Variants in EYA2 observed in about 807,000 individuals in gnomAD.
The protein encoded by EYA2 is EYA transcriptional coactivator and phosphatase 2.
Under a neutral mutation model 69.2 loss-of-function variants are expected in EYA2, and 31 were observed. The observed-to-expected ratio is 0.45, with a 90% CI of 0.34 to 0.60. EYA2 has a LOEUF of 0.60. Ranked by LOEUF, EYA2 falls within the 20% of genes least tolerant of loss-of-function variation. The pLI is 0.02. For missense variants in EYA2, 622 were observed against 701.2 expected, an observed-to-expected ratio of 0.89 and a Z score of 1.28; for synonymous variants, 257 against 279.4, an observed-to-expected ratio of 0.92 and a Z score of 0.80.
intron 5 of EYA2, among the ~76,000 whole-genome samples, chr20:47,018,809 T>G (rs1411959684): frequency 6.6e-6 from 1 of 152,182 alleles, no homozygotes; most frequent in Non-Finnish European, 1.5e-5. Flanking sequence ...AGAGGGCAAG[T>G]GACTTGCCTG....
intron 1 of EYA2, among the ~76,000 whole-genome samples, chr20:46,929,295 G>A (rs754602665): frequency 3.3e-5 from 5 of 152,124 alleles, no homozygotes. Context: ...AAGGAACTGG[G>A]AACTGTTTAT....
intron 1 of EYA2, among the ~76,000 whole-genome samples, chr20:46,959,951 G>A (rs921424123): frequency 3.3e-5 from 5 of 152,276 alleles, no homozygotes; most frequent in Non-Finnish European, 4.4e-5. Context: ...GGAATCTGTC[G>A]CCTGATTTTT....
chr20:47,172,901 G>A, intron 12 of EYA2, 34 bp downstream of exon 12: 1 of 1,580,842 alleles, frequency 6.3e-7, no homozygotes, highest in Non-Finnish European at 8.6e-7. Context: ...TCCGAGGAAG[G>A]GAAACTCATT....
At chr20:46,927,082 C>A (rs1428046488) in intron 1 of EYA2, among the ~76,000 whole-genome samples, 1 of 152,174 alleles carries the variant, frequency 6.6e-6, no homozygotes, top group Non-Finnish European at 1.5e-5. Flanking sequence ...TGATGGGAGC[C>A]CAGAAGTGCT....
At chr20:47,184,393 A>AAGTGGG (rs2034596018) in intron 15 of EYA2, among the ~76,000 whole-genome samples, 1 of 150,150 alleles carries the variant, frequency 6.7e-6, no homozygotes, top group South Asian at 2.1e-4. Flanking sequence ...AACTCCTACA[A>AAGTGGG]AGTGGGTATC....
intron 5 of EYA2, among the ~76,000 whole-genome samples, chr20:47,036,480 C>T (rs1984719023): frequency 6.6e-6 from 1 of 152,158 alleles, no homozygotes; most frequent in Non-Finnish European, 1.5e-5. Flanking sequence ...CCTGCCGTGG[C>T]AGGGCTAGGA....
chr20:46,930,089 C>T (rs574477755), intron 1 of EYA2, among the ~76,000 whole-genome samples: 1 of 152,248 alleles, frequency 6.6e-6, no homozygotes, highest in Non-Finnish European at 1.5e-5. Context: ...AAGAAATGGC[C>T]ATGTCAGCAT....
chr20:47,152,948 G>A (rs1032816701), intron 10 of EYA2, among the ~76,000 whole-genome samples: 2 of 151,282 alleles, frequency 1.3e-5, no homozygotes, highest in African/African-American at 4.9e-5. Flanking sequence ...AAAAAAAAAA[G>A]AAAGAAACTG....
In EYA2 at chr20:47,169,229, G is replaced by A. The variant is rs1311984335; in HGVS notation, c.1037+32G>A. 8 of 1,570,936 alleles carry A rather than the reference G, an allele frequency of 5.1e-6. No homozygotes were observed. In the South Asian group the frequency reaches 6.7e-5, roughly 13 times the overall value. On this transcript the variant is annotated intron_variant, in intron 11 of 15. Transcript: ENST00000327619. The stretch of plus-strand genomic sequence containing the variant: ...ATTTGGGGAGTCAAAAATGCCCATT[G>A]ATTGATTGATTGATTATCAAGTTAT...
At chr20:47,083,658 G>A (rs1435802992) in intron 7 of EYA2, among the ~76,000 whole-genome samples, 1 of 150,264 alleles carries the variant, frequency 6.7e-6, no homozygotes, top group African/African-American at 2.4e-5. Context: ...ATGCAAAATA[G>A]ATCATAGACT....
rs1464654128 is a variant in EYA2 at position 47,183,272 on chromosome 20, C to A, written c.1436-19C>A. On this transcript the variant is annotated intron_variant, in intron 14 of 15. Transcript: ENST00000327619. ...GGTCCTCACAGAGCGTTTTTTCTTT[C>A]CTTCCTGTGTGCGTGCAGGGAAGGA... 6.2e-7 allele frequency: 1 copy of A among 1,608,858 alleles called. No homozygotes were observed.
Position 47,097,184 on chromosome 20 carries a change from GTCTC to G in EYA2, c.888+26_888+29del, listed in dbSNP as rs763421253. The G allele has an allele frequency of 6.3e-6, 10 of 1,576,240 alleles. No homozygotes were observed. The highest frequency in any genetic ancestry group is 4.5e-5 in the East Asian group (2 of 44,006). ...ATACGGGAAGGTAAGAATCCATTTT[GTCTC>G]TCTCTCTCTTTTTTTGTTTTCAACG... On this transcript the variant is annotated intron_variant, in intron 9 of 15. Coordinates refer to ENST00000327619, the MANE Select transcript of EYA2 (RefSeq NM_005244.5).
intron 5 of EYA2, among the ~76,000 whole-genome samples, chr20:47,047,467 A>G (rs990790200): frequency 2.0e-5 from 3 of 151,370 alleles, no homozygotes; most frequent in African/African-American, 7.3e-5. Context: ...GCTCACTGCA[A>G]CCTCCGCCTC....
chr20:47,153,090 C>T (rs2033855771), intron 10 of EYA2, among the ~76,000 whole-genome samples: 1 of 151,964 alleles, frequency 6.6e-6, no homozygotes, highest in Non-Finnish European at 1.5e-5. Context: ...CAAATGCCCA[C>T]CACACTGAGT....
chr20:47,182,988 A>G (rs570198736), intron 14 of EYA2, among the ~76,000 whole-genome samples: 91 of 152,334 alleles, frequency 6.0e-4, no homozygotes, highest in African/African-American at 2.0e-3. Context: ...ATGGTTGTGC[A>G]TCCATTGCCA....
At chr20:46,988,002 CAA>C (rs555665557) in intron 1 of EYA2, among the ~76,000 whole-genome samples, 5,310 of 61,598 alleles carry the variant, frequency 0.086, 718 homozygotes, top group African/African-American at 0.26. Flanking sequence ...ATATATGGGG[CAA>C]AAAAAAAATA....
At chr20:47,148,509 T>A (rs770205653) in intron 10 of EYA2, among the ~76,000 whole-genome samples, 15 of 152,214 alleles carry the variant, frequency 9.9e-5, no homozygotes, top group Non-Finnish European at 1.6e-4. Flanking sequence ...CGACCCCTGA[T>A]TTTACAATCA....
intron 2 of EYA2, among the ~76,000 whole-genome samples, chr20:46,990,544 T>G (rs573195673): frequency 1.3e-5 from 2 of 152,366 alleles, no homozygotes; most frequent in East Asian, 3.9e-4. Flanking sequence ...GGGCAAGAAC[T>G]CGTCTGCCTC....
intron 1 of EYA2, among the ~76,000 whole-genome samples, chr20:46,918,198 G>A (rs1434488349): frequency 6.6e-6 from 1 of 151,938 alleles, no homozygotes; most frequent in Non-Finnish European, 1.5e-5. Flanking sequence ...GCAGGTGCCT[G>A]TAGTCCCAGC....
Sources: allele counts gnomAD v4.1 joint callset (sites outside exome capture counted in the v4.1 genomes callset), GRCh38; gene constraint gnomAD v4.1.1; transcripts MANE v1.5; gene names NCBI Gene and HGNC (gene_info 2026-07-23, HGNC 2026-07-21).